Variants in MTAP observed in about 807,000 individuals in gnomAD.
The protein encoded by MTAP is methylthioadenosine phosphorylase, also known as S-methyl-5'-thioadenosine phosphorylase.
In MTAP, 33 loss-of-function variants were observed where a neutral mutation model predicts 33.6. The ratio of observed to expected loss-of-function variants is 0.98; its 90% CI spans 0.74 to 1.31. The LOEUF (loss-of-function observed/expected upper bound fraction) is 1.31. Ranked by LOEUF, MTAP falls within the 40% of genes most tolerant of loss-of-function variation. The pLI is 0.00. For synonymous variants in MTAP, 148 were observed against 125.7 expected (o/e 1.18, Z -1.19); for missense variants, 367 against 360.0 (o/e 1.02, Z -0.16).
chr9:21,840,599 G>C (rs986618184), intron 5 of MTAP, among the ~76,000 whole-genome samples: 6 of 152,198 alleles, frequency 3.9e-5, no homozygotes, highest in Non-Finnish European at 7.3e-5. Context: ...TGTACTCCCA[G>C]TCTCCAGCTT....
chr9:21,828,279 T>C (rs1006975326), intron 4 of MTAP, among the ~76,000 whole-genome samples: 1 of 152,244 alleles, frequency 6.6e-6, no homozygotes, highest in Admixed American at 6.5e-5. Context: ...GTGTTAACCT[T>C]CTCAGTAACT....
chr9:21,823,724 T>C (rs1368250904), intron 4 of MTAP, among the ~76,000 whole-genome samples: 1 of 152,222 alleles, frequency 6.6e-6, no homozygotes, highest in African/African-American at 2.4e-5. Context: ...CTTGGTTCCA[T>C]TCTCTCTGTC....
intron 1 of MTAP, among the ~76,000 whole-genome samples, chr9:21,899,035 A>G (rs1304321582): frequency 1.3e-5 from 2 of 152,080 alleles, no homozygotes; most frequent in African/African-American, 4.8e-5. Flanking sequence ...CATATACACC[A>G]TGGAATACTA....
intron 1 of MTAP, among the ~76,000 whole-genome samples, chr9:21,901,547 T>C (rs1818393042): frequency 6.6e-6 from 1 of 152,194 alleles, no homozygotes; most frequent in African/African-American, 2.4e-5. Flanking sequence ...TTCATATGAT[T>C]ATTAACTATA....
chr9:21,904,431 C>T (rs776561201), intron 1 of MTAP, among the ~76,000 whole-genome samples: 3 of 152,152 alleles, frequency 2.0e-5, no homozygotes, highest in Non-Finnish European at 4.4e-5. Context: ...TCCCCACTTC[C>T]GTATCATTTA....
At chr9:21,812,350 T>A (rs12004745) in intron 1 of MTAP, 29,266 of 160,332 alleles carry the variant, frequency 0.18, 5,254 homozygotes, top group African/African-American at 0.47. Context: ...TTTATTATCA[T>A]TGCAGAAGGT....
At chr9:21,904,709 A>T (rs980448918) in intron 1 of MTAP, among the ~76,000 whole-genome samples, 4 of 152,190 alleles carry the variant, frequency 2.6e-5, no homozygotes, top group Admixed American at 6.5e-5. Flanking sequence ...GTTGTTGCTG[A>T]TTAGTAAGGT....
At chr9:21,878,412 C>G (rs1826041699) in intron 1 of MTAP, among the ~76,000 whole-genome samples, 1 of 151,942 alleles carries the variant, frequency 6.6e-6, no homozygotes, top group African/African-American at 2.4e-5. Flanking sequence ...GGTTGGTTTG[C>G]TTTTGTTTTT....
At chr9:21,805,583 T>C (rs1824188270) in intron 1 of MTAP, among the ~76,000 whole-genome samples, 1 of 152,140 alleles carries the variant, frequency 6.6e-6, no homozygotes, top group South Asian at 2.1e-4. Context: ...TAATCGCCAA[T>C]GTGATGGTAT....
chr9:21,877,505 G>A (rs549950447), intron 1 of MTAP, among the ~76,000 whole-genome samples: 21 of 152,078 alleles, frequency 1.4e-4, no homozygotes, highest in African/African-American at 4.6e-4. Context: ...TGTCATAGAC[G>A]GCTCTTATTA....
intron 4 of MTAP, among the ~76,000 whole-genome samples, chr9:21,829,877 A>G (rs1824923826): frequency 6.6e-6 from 1 of 152,212 alleles, no homozygotes; most frequent in Non-Finnish European, 1.5e-5. Context: ...AAGGACTCTG[A>G]CAATGCTGGA....
intron 4 of MTAP, among the ~76,000 whole-genome samples, chr9:21,836,701 C>G (rs1563840601): frequency 6.6e-6 from 1 of 152,160 alleles, no homozygotes; most frequent in Non-Finnish European, 1.5e-5. Context: ...TTGGGGTTAA[C>G]TTAGCATTTC....
At chr9:21,815,352 G>T in intron 1 of MTAP, 81 bp from the exon 2 acceptor site, 1 of 975,868 alleles carries the variant, frequency 1.0e-6, no homozygotes, top group South Asian at 1.6e-5. Context: ...AAGAGCATAT[G>T]AATAAATGAA....
At chr9:21,884,363 A>AAT (rs1818072543) in intron 1 of MTAP, among the ~76,000 whole-genome samples, 1 of 152,238 alleles carries the variant, frequency 6.6e-6, no homozygotes, top group Admixed American at 6.6e-5. Context: ...ATGATGGAAT[A>AAT]ATAACATCAA....
At chr9:21,916,270 C>T (rs1324303301) in intron 1 of MTAP, among the ~76,000 whole-genome samples, 2 of 151,996 alleles carry the variant, frequency 1.3e-5, no homozygotes, top group Admixed American at 6.6e-5. Flanking sequence ...GAGGTCATAC[C>T]GGGTTGAGGT....
chr9:21,823,956 A>G (rs985092803), intron 4 of MTAP, among the ~76,000 whole-genome samples: 2 of 152,218 alleles, frequency 1.3e-5, no homozygotes, highest in African/African-American at 4.8e-5. Flanking sequence ...TTTCAGCTCC[A>G]TCAGGTCATT....
intron 1 of MTAP, among the ~76,000 whole-genome samples, chr9:21,805,467 A>G (rs890455087): frequency 3.3e-5 from 5 of 152,240 alleles, no homozygotes; most frequent in African/African-American, 9.6e-5. Flanking sequence ...CATGAAAGTG[A>G]AACAGCAGTA....
chr9:21,840,398 T>C (rs1402936937), intron 5 of MTAP, among the ~76,000 whole-genome samples: 1 of 152,202 alleles, frequency 6.6e-6, no homozygotes, highest in African/African-American at 2.4e-5. Flanking sequence ...CTGCAAATTC[T>C]GCAAAACAGG....
intron 1 of MTAP, among the ~76,000 whole-genome samples, chr9:21,896,380 C>A (rs889331392): frequency 6.6e-6 from 1 of 152,124 alleles, no homozygotes; most frequent in African/African-American, 2.4e-5. Flanking sequence ...CAAGAAATAA[C>A]TAAGATCAGA....
Sources: allele counts gnomAD v4.1 joint callset (sites outside exome capture counted in the v4.1 genomes callset), GRCh38; gene constraint gnomAD v4.1.1; transcripts MANE v1.5; gene names NCBI Gene and HGNC (gene_info 2026-07-23, HGNC 2026-07-21).